NCKAP5: variants seen among roughly 807,000 people sequenced by gnomAD.
NCKAP5 encodes nck-associated protein 5.
NCKAP5 carries 92 observed loss-of-function variants against 167.0 expected under a neutral mutation model. The ratio of observed to expected loss-of-function variants is 0.55; its 90% CI spans 0.47 to 0.66. The LOEUF (loss-of-function observed/expected upper bound fraction) is 0.66. Ranked by LOEUF, NCKAP5 falls within the 30% of genes least tolerant of loss-of-function variation. NCKAP5 has a pLI of 0.00. For synonymous variants in NCKAP5, 891 were observed against 877.4 expected, an observed-to-expected ratio of 1.02 and a Z score of -0.27; for missense variants, 2,378 against 2,315.0, an observed-to-expected ratio of 1.03 and a Z score of -0.56.
chr2:133,150,056 G>T (rs1053840201), intron 5 of NCKAP5, among the ~76,000 whole-genome samples: 1 of 152,104 alleles, frequency 6.6e-6, no homozygotes, highest in African/African-American at 2.4e-5. Flanking sequence ...GAAACAACAG[G>T]ATTTCTTCAA....
At chr2:132,705,088 A>G (rs1009592936) in intron 19 of NCKAP5, among the ~76,000 whole-genome samples, 1 of 152,174 alleles carries the variant, frequency 6.6e-6, no homozygotes, top group African/African-American at 2.4e-5. Context: ...GGTTCCATCC[A>G]TGTCTAACAG....
At chr2:132,708,746 G>T (rs1420026377) in intron 19 of NCKAP5, among the ~76,000 whole-genome samples, 1 of 152,160 alleles carries the variant, frequency 6.6e-6, no homozygotes, top group South Asian at 2.1e-4. Context: ...GCCTTCTTAC[G>T]TCTTTCCCCT....
At chr2:133,201,936 T>C (rs1359044449) in intron 5 of NCKAP5, among the ~76,000 whole-genome samples, 5 of 152,222 alleles carry the variant, frequency 3.3e-5, no homozygotes, top group African/African-American at 1.2e-4. Context: ...GGAAGAATCA[T>C]TATCATCAAA....
At chr2:133,330,244 ATTTTTT>A (rs765058418) in intron 3 of NCKAP5, among the ~76,000 whole-genome samples, 9 of 88,150 alleles carry the variant, frequency 1.0e-4, no homozygotes, top group Admixed American at 3.3e-4. Flanking sequence ...TATTTTTTGT[ATTTTTT>A]TTTTTTTTTT....
At chr2:132,822,347 T>G (rs1247478314) in intron 11 of NCKAP5, among the ~76,000 whole-genome samples, 1 of 152,206 alleles carries the variant, frequency 6.6e-6, no homozygotes, top group African/African-American at 2.4e-5. Flanking sequence ...CTGGTTTCCA[T>G]GGCTGAGAGA....
At chr2:132,908,220 T>C (rs529599519) in intron 8 of NCKAP5, among the ~76,000 whole-genome samples, 1 of 152,334 alleles carries the variant, frequency 6.6e-6, no homozygotes, top group East Asian at 1.9e-4. Flanking sequence ...ACATCTAAAT[T>C]ACATCATCTT....
At chr2:132,849,727 G>A (rs1237137901) in intron 11 of NCKAP5, among the ~76,000 whole-genome samples, 1 of 152,174 alleles carries the variant, frequency 6.6e-6, no homozygotes, top group Non-Finnish European at 1.5e-5. Context: ...CAGCCTGCGT[G>A]GATCTTAGTG....
intron 3 of NCKAP5, among the ~76,000 whole-genome samples, chr2:133,405,210 G>GT (rs1365122942): frequency 6.6e-6 from 1 of 152,142 alleles, no homozygotes; most frequent in East Asian, 1.9e-4. Context: ...ACATAACCTT[G>GT]TTTTGTGTGT....
At chr2:132,872,465 G>A (rs1260652235) in intron 9 of NCKAP5, among the ~76,000 whole-genome samples, 1 of 152,196 alleles carries the variant, frequency 6.6e-6, no homozygotes, top group Non-Finnish European at 1.5e-5. Flanking sequence ...TGGGGCTATG[G>A]AGTTCTCTAT....
At chr2:133,436,089 GC>G (rs1239141509) in intron 3 of NCKAP5, among the ~76,000 whole-genome samples, 2 of 152,040 alleles carry the variant, frequency 1.3e-5, no homozygotes, top group African/African-American at 4.8e-5. Context: ...TTCAATTCTT[GC>G]TATATTTACC....
At chr2:133,274,406 TA>T (rs1431327837) in intron 4 of NCKAP5, among the ~76,000 whole-genome samples, 1 of 151,964 alleles carries the variant, frequency 6.6e-6, no homozygotes, top group Admixed American at 6.6e-5. Flanking sequence ...GTAAAACATA[TA>T]AAAGTGATGG....
intron 3 of NCKAP5, among the ~76,000 whole-genome samples, chr2:133,469,280 G>A (rs1228494347): frequency 1.3e-5 from 2 of 151,824 alleles, no homozygotes; most frequent in Non-Finnish European, 2.9e-5. Flanking sequence ...AGCTTAGTTT[G>A]GCTGGATATG....
chr2:133,565,625 C>T (rs1688491456), intron 1 of NCKAP5, among the ~76,000 whole-genome samples: 2 of 152,146 alleles, frequency 1.3e-5, no homozygotes, highest in Admixed American at 6.5e-5. Context: ...CCCAGAATCC[C>T]CAAGACAGCT....
intron 3 of NCKAP5, among the ~76,000 whole-genome samples, chr2:133,313,655 T>G (rs910090132): frequency 2.6e-5 from 4 of 152,092 alleles, no homozygotes; most frequent in Admixed American, 6.5e-5. Flanking sequence ...TTTTGTTTTT[T>G]TTTTCTGAGG....
At chr2:132,687,214 A>G (rs1390726887) in intron 19 of NCKAP5, among the ~76,000 whole-genome samples, 1 of 152,146 alleles carries the variant, frequency 6.6e-6, no homozygotes, top group Non-Finnish European at 1.5e-5. Flanking sequence ...TCCCTAAAAT[A>G]ATGAAGGACT....
At chr2:133,546,585 G>C (rs1246527543) in intron 2 of NCKAP5, among the ~76,000 whole-genome samples, 4 of 152,162 alleles carry the variant, frequency 2.6e-5, no homozygotes, top group Non-Finnish European at 4.4e-5. Context: ...TGGAAGAGCA[G>C]AGGGCAGTGC....
intron 12 of NCKAP5, 120 bp from the exon 13 acceptor site, chr2:132,790,325 C>T: frequency 1.2e-6 from 1 of 844,738 alleles, no homozygotes; most frequent in Non-Finnish European, 1.8e-6. Flanking sequence ...AGGAGTACAT[C>T]CTGATAAACC....
chr2:132,785,096 C>A lies in NCKAP5; in HGVS notation c.1715G>T (p.Arg572Leu), dbSNP rs565324203. Reference sequence around the variant, plus strand: ...TGAAAGCTGGAGGTTGAGAGCCATGCGGCCATGGCCTTGGCCCTGTGGGCC... The same window carrying A: ...TGAAAGCTGGAGGTTGAGAGCCATGAGGCCATGGCCTTGGCCCTGTGGGCC... ...ERGPQGQGHG[R>L]MALNLQLSDT... Residue 572 changes from arginine (R) to leucine (L), a missense_variant, in exon 14 of 20, where the codon CGC (arginine) becomes CTC (leucine). Physicochemically the swap from Arg to Leu is moderately radical, Grantham distance 102 (BLOSUM62 -2). Coordinates refer to ENST00000409261, the MANE Select transcript of NCKAP5 (RefSeq NM_207363.3). 8 of 1,614,066 alleles carry A rather than the reference C, an allele frequency of 5.0e-6. No individual in the cohort carries two copies. Among genetic ancestry groups the A allele is most frequent in the Non-Finnish European group, 6.8e-6 (8 of 1,179,890 alleles).
At chr2:133,239,787 G>T (rs1170563251) in intron 4 of NCKAP5, among the ~76,000 whole-genome samples, 2 of 152,164 alleles carry the variant, frequency 1.3e-5, no homozygotes, top group Admixed American at 1.3e-4. Flanking sequence ...GTAATTAAAA[G>T]AAAATGATTA....
Sources: gnomAD v4.1 joint callset for allele counts (sites outside exome capture counted in the v4.1 genomes callset) on GRCh38, gnomAD v4.1.1 for gene constraint, MANE v1.5 for transcripts, NCBI Gene and HGNC (gene_info 2026-07-23, HGNC 2026-07-21) for gene names.